TCHP: variants seen among roughly 807,000 people sequenced by gnomAD.
TCHP encodes trichoplein keratin filament-binding protein.
TCHP carries 81 observed loss-of-function variants against 88.7 expected under a neutral mutation model. That is an observed-to-expected ratio of 0.91 (90% CI 0.76 to 1.10). The LOEUF (loss-of-function observed/expected upper bound fraction) is 1.10. Among genes scored for constraint, TCHP ranks in the 50% least tolerant of loss-of-function variants. The pLI is 0.00. For synonymous variants in TCHP, 232 were observed against 232.5 expected (o/e 1.00, Z 0.02); for missense variants, 641 against 632.1 (o/e 1.01, Z -0.15).
intron 5 of TCHP, among the ~76,000 whole-genome samples, 190 bp from the exon 6 acceptor site, chr12:109,907,336 G>A (rs1870196642): frequency 6.6e-6 from 1 of 152,242 alleles, no homozygotes; most frequent in South Asian, 2.1e-4. Context: ...ATTTTAGAAA[G>A]TGTTTTGTTG....
At chr12:109,899,510 C>T (rs981239379), upstream of TCHP, among the ~76,000 whole-genome samples, 1 of 152,032 alleles carries the variant, frequency 6.6e-6, no homozygotes, top group Non-Finnish European at 1.5e-5. Context: ...TGGTGGCGTG[C>T]GCCTGTAGTC....
intron 9 of TCHP, 112 bp from the exon 10 acceptor site, chr12:109,912,879 T>C: frequency 1.3e-6 from 1 of 772,048 alleles, no homozygotes; most frequent in Non-Finnish European, 2.3e-6. Flanking sequence ...TGGATGTTTA[T>C]CTGCAGTGTG....
rs142305438 is a variant in TCHP, at chr12:109,903,779, C to T, written c.189-158C>T. Among the ~76,000 whole-genome samples, 43 of 152,348 alleles carry T rather than the reference C, an allele frequency of 2.8e-4. No homozygotes were observed. Among genetic ancestry groups the T allele is most frequent in the Admixed American group, 2.6e-3 (39 of 15,290 alleles). ...GCAAAAAACAAGATTTTCTCTTACA[C>T]ATACTATTCTGTGACCTGCTGTCTC... On this transcript the variant is annotated intron_variant, in intron 2 of 12. Transcript: ENST00000405876. This position sits in a 1 kb window ranked among gnomAD's most constrained non-coding sequence, Gnocchi z 4.6.
the TCHP span, among the ~76,000 whole-genome samples, chr12:109,883,787 G>A: frequency 1.3e-5 from 2 of 152,274 alleles, no homozygotes; most frequent in South Asian, 4.2e-4. Context: ...TAGAACATAG[G>A]CTTGATGCAC....
chr12:109,904,223 A>G (rs1869993190), intron 3 of TCHP, 76 bp downstream of exon 3: 2 of 1,362,262 alleles, frequency 1.5e-6, no homozygotes, highest in African/African-American at 1.5e-5. Context: ...ATGTAGGGTC[A>G]TTCCTGGGTG....
chr12:109,916,294 A>C (rs2136084883), intron 12 of TCHP, among the ~76,000 whole-genome samples: 2 of 152,360 alleles, frequency 1.3e-5, no homozygotes, highest in Middle Eastern at 6.8e-3. Flanking sequence ...ACTCGCCCTC[A>C]AACACTGACT....
At position 109,914,455 on chromosome 12, in the gene TCHP, G is replaced by A; in HGVS notation, c.1148G>A (p.Arg383Lys). The A allele has an allele frequency of 6.2e-7, 1 of 1,612,696 alleles. No homozygotes were observed. Among genetic ancestry groups the A allele is most frequent in the Non-Finnish European group, 8.5e-7 (1 of 1,178,960 alleles). The change falls in exon 11 of 13, where the codon AGA becomes AAA. Residue 383 changes from arginine to lysine, a missense_variant. Transcript: ENST00000405876. ...TGCTGAGGTTAGGTTCTGACAGGGAGACAACAGCAAATACAAGAGAAGATT... is the reference window on the plus strand; with the variant it reads ...TGCTGAGGTTAGGTTCTGACAGGGAAACAACAGCAAATACAAGAGAAGATT... ...DRLMSEVLTG[R>K]QQQIQEKIEQ...
chr12:109,886,187 G>A, the TCHP span, among the ~76,000 whole-genome samples: 1 of 152,080 alleles, frequency 6.6e-6, no homozygotes, highest in African/African-American at 2.4e-5. Context: ...GCCCAGGCTG[G>A]AGTGCAATGG....
At chr12:109,913,993 C>T (rs1320200396) in intron 10 of TCHP, among the ~76,000 whole-genome samples, 2 of 152,182 alleles carry the variant, frequency 1.3e-5, no homozygotes, top group Non-Finnish European at 2.9e-5. Flanking sequence ...GGCTCTGGGG[C>T]CAGGTCTCAA....
chr12:109,903,932 C>T lies in TCHP; in HGVS notation c.189-5C>T, dbSNP rs1235904639. 2 of 1,600,586 alleles carry T rather than the reference C, an allele frequency of 1.2e-6. No individual in the cohort carries two copies. The highest frequency in any genetic ancestry group is 1.1e-5 in the South Asian group (1 of 88,720). On this transcript the variant is annotated splice_region_variant and splice_polypyrimidine_tract_variant and intron_variant, in intron 2 of 12. Coordinates refer to ENST00000405876, the MANE Select transcript of TCHP (RefSeq NM_001143852.2). This position sits in a 1 kb window ranked among gnomAD's most constrained non-coding sequence, Gnocchi z 4.6. ...ATTGATTCAGGCAGGCCCCCTCTCA[C>T]CCAGCATGCATGCCTATCAGCGGGA... is the stretch of plus-strand genomic sequence containing the variant.
chr12:109,904,175 T>C (rs1869988351), intron 3 of TCHP, 28 bp downstream of exon 3: 2 of 1,548,886 alleles, frequency 1.3e-6, no homozygotes, highest in Non-Finnish European at 8.7e-7. Context: ...TTCAGGAGGC[T>C]GTGGAGCAGG....
chr12:109,908,714 G>A lies in TCHP; in HGVS notation c.812+16G>A. On this transcript the variant is annotated intron_variant, in intron 7 of 12. Transcript: ENST00000405876. ...CAGAGCTGGGGTGTGTGTCAGAAGG[G>A]CCCCCCACTCTTCCCAGGCGGGTGG... The A allele has an allele frequency of 6.3e-7, 1 of 1,581,972 alleles. No individual in the cohort carries two copies. The highest frequency in any genetic ancestry group is 1.3e-5 in the African/African-American group (1 of 74,778).
intron 6 of TCHP, 121 bp from the exon 7 acceptor site, chr12:109,908,465 C>A: frequency 1.3e-6 from 1 of 775,934 alleles, no homozygotes; most frequent in Non-Finnish European, 2.1e-6. Flanking sequence ...GGATCGTGAC[C>A]ACCTGCATGG....
At chr12:109,899,775 C>G (rs1184580185), upstream of TCHP, among the ~76,000 whole-genome samples, 1 of 152,092 alleles carries the variant, frequency 6.6e-6, no homozygotes, top group African/African-American at 2.4e-5. Flanking sequence ...GTTTGGGCAT[C>G]TGGATTTTTT....
chr12:109,907,996 A>T (rs974244656), intron 6 of TCHP, among the ~76,000 whole-genome samples: 1 of 152,206 alleles, frequency 6.6e-6, no homozygotes, highest in Non-Finnish European at 1.5e-5. Flanking sequence ...TTTCCAGTGC[A>T]CTGAGTAGAC....
chr12:109,889,654 A>G, the TCHP span, among the ~76,000 whole-genome samples: 5 of 152,192 alleles, frequency 3.3e-5, no homozygotes, highest in African/African-American at 1.2e-4. Flanking sequence ...ACTCCCTGTC[A>G]GGGCTGATGT....
intron 11 of TCHP, 178 bp downstream of exon 11, chr12:109,914,805 C>A: frequency 1.7e-6 from 1 of 571,518 alleles, no homozygotes; most frequent in Non-Finnish European, 3.1e-6. Flanking sequence ...TCTTTCCCTC[C>A]ACATCCTCCA....
At chr12:109,904,619 C>T in intron 3 of TCHP, 118 bp from the exon 4 acceptor site, 2 of 785,238 alleles carry the variant, frequency 2.5e-6, no homozygotes, top group South Asian at 3.4e-5. Flanking sequence ...ACAGTGGTTG[C>T]AGTGACGGTG....
chr12:109,916,041 A>G (rs1401096876), intron 12 of TCHP, among the ~76,000 whole-genome samples: 1 of 152,044 alleles, frequency 6.6e-6, no homozygotes, highest in East Asian at 1.9e-4. Flanking sequence ...GCACAGCACC[A>G]TGGGGAGCAC....
Sources: gnomAD v4.1 joint callset for allele counts (sites outside exome capture counted in the v4.1 genomes callset) on GRCh38, gnomAD v4.1.1 for gene constraint, Gnocchi (gnomAD v3.1) non-coding constraint, MANE v1.5 for transcripts, NCBI Gene and HGNC (gene_info 2026-07-23, HGNC 2026-07-21) for gene names.